WWOX: variants seen among roughly 807,000 people sequenced by gnomAD.
WWOX encodes the protein WW domain-containing oxidoreductase.
In WWOX, 69 loss-of-function variants were observed where a neutral mutation model predicts 46.2. That is an observed-to-expected ratio of 1.49 (90% CI 1.23 to 1.82). WWOX has a LOEUF of 1.82. Among genes scored for constraint, WWOX ranks in the 40% most tolerant of loss-of-function variants. The pLI, the probability that WWOX is intolerant of heterozygous loss-of-function variation, is 0.00. For missense variants in WWOX, 919 were observed against 542.6 expected (o/e 1.69, Z -6.89); for synonymous variants, 359 against 202.6 (o/e 1.77, Z -6.56).
chr16:78,289,512 T>C lies in WWOX; in HGVS notation c.517-97348T>C, dbSNP rs76446713. Among the ~76,000 whole-genome samples the C allele has an allele frequency of 3.9e-3, 599 of 152,274 alleles. 7 individuals are homozygous for C. Among genetic ancestry groups the C allele is most frequent in the African/African-American group, 0.013 (528 of 41,566 alleles). Reference sequence around the variant, plus strand: ...TACAGTGACTTGGTCTGAGAAACCCTGTAACTTGGATCCAGCCAGGGAAGT... The same window carrying C: ...TACAGTGACTTGGTCTGAGAAACCCCGTAACTTGGATCCAGCCAGGGAAGT... On this transcript the variant is annotated intron_variant, in intron 5 of 8. Coordinates refer to ENST00000566780, the MANE Select transcript of WWOX (RefSeq NM_016373.4).
At chr16:78,598,831 C>T (rs1035336344) in intron 8 of WWOX, among the ~76,000 whole-genome samples, 2 of 152,118 alleles carry the variant, frequency 1.3e-5, no homozygotes, top group African/African-American at 4.8e-5. Context: ...TCTTCATTGT[C>T]CCCTTCATAC....
intron 8 of WWOX, among the ~76,000 whole-genome samples, chr16:78,945,159 G>T (rs981554630): frequency 6.6e-6 from 1 of 152,160 alleles, no homozygotes; most frequent in African/African-American, 2.4e-5. Flanking sequence ...CACCCTGGGT[G>T]ACAGAGTGAC....
intron 8 of WWOX, among the ~76,000 whole-genome samples, chr16:79,191,688 A>T (rs2051139938): frequency 1.3e-5 from 2 of 152,208 alleles, no homozygotes; most frequent in Admixed American, 6.5e-5. Flanking sequence ...ATAGGCCATG[A>T]TAAAGAATAA....
At chr16:78,664,283 C>T (rs1460979037) in intron 8 of WWOX, among the ~76,000 whole-genome samples, 1 of 152,202 alleles carries the variant, frequency 6.6e-6, no homozygotes, top group Non-Finnish European at 1.5e-5. Flanking sequence ...AAGCCCCTAA[C>T]TCTTCATGTA....
At chr16:78,380,727 G>A (rs949188309) in intron 5 of WWOX, among the ~76,000 whole-genome samples, 5 of 152,100 alleles carry the variant, frequency 3.3e-5, no homozygotes, top group African/African-American at 1.2e-4. Flanking sequence ...GATAGGGCAG[G>A]TGCTGTTATT....
At chr16:78,932,348 G>T (rs2045641595) in intron 8 of WWOX, among the ~76,000 whole-genome samples, 2 of 152,180 alleles carry the variant, frequency 1.3e-5, no homozygotes, top group Admixed American at 1.3e-4. Context: ...AATTCCAGGT[G>T]CCCCTCAGGC....
intron 8 of WWOX, among the ~76,000 whole-genome samples, chr16:78,458,169 A>C (rs2083868479): frequency 6.6e-6 from 1 of 150,908 alleles, no homozygotes; most frequent in Non-Finnish European, 1.5e-5. Context: ...GTGTTCCATG[A>C]TTTTGTCGAA....
intron 8 of WWOX, among the ~76,000 whole-genome samples, chr16:78,748,577 A>C (rs769629003): frequency 6.6e-6 from 1 of 152,136 alleles, no homozygotes. Flanking sequence ...TCTGATTACA[A>C]TACGTCCGTG....
At chr16:78,368,640 C>A (rs568704899) in intron 5 of WWOX, among the ~76,000 whole-genome samples, 1 of 152,194 alleles carries the variant, frequency 6.6e-6, no homozygotes, top group East Asian at 1.9e-4. Flanking sequence ...ACATGCATGC[C>A]ATCGTGAAGT....
intron 8 of WWOX, among the ~76,000 whole-genome samples, chr16:78,634,156 T>G (rs1006695372): frequency 3.3e-5 from 5 of 152,098 alleles, no homozygotes; most frequent in African/African-American, 1.2e-4. Context: ...GAATAAAAAT[T>G]TTTAGCATTA....
intron 8 of WWOX, among the ~76,000 whole-genome samples, chr16:78,783,544 G>C (rs921566860): frequency 5.3e-5 from 8 of 152,252 alleles, no homozygotes; most frequent in African/African-American, 1.9e-4. Flanking sequence ...GAATGGGCCT[G>C]TAAGAGGTTG....
At chr16:78,431,245 T>C (rs2083210357) in intron 7 of WWOX, among the ~76,000 whole-genome samples, 2 of 152,238 alleles carry the variant, frequency 1.3e-5, no homozygotes, top group Non-Finnish European at 2.9e-5. Flanking sequence ...ATCCATGCCA[T>C]GGGTATACTT....
At chr16:78,849,501 G>C (rs890446271) in intron 8 of WWOX, among the ~76,000 whole-genome samples, 1 of 150,292 alleles carries the variant, frequency 6.7e-6, no homozygotes, top group Non-Finnish European at 1.5e-5. Flanking sequence ...GTGAACCCGG[G>C]AGGCGGAGCT....
intron 8 of WWOX, among the ~76,000 whole-genome samples, chr16:78,439,086 A>G (rs892774734): frequency 6.6e-6 from 1 of 152,200 alleles, no homozygotes; most frequent in Non-Finnish European, 1.5e-5. Context: ...TATAGATACT[A>G]TCAAGGGCAA....
intron 5 of WWOX, among the ~76,000 whole-genome samples, chr16:78,335,876 G>C (rs560192651): frequency 6.6e-6 from 1 of 152,274 alleles, no homozygotes; most frequent in African/African-American, 2.4e-5. Context: ...TGGATCGCTT[G>C]AGGCCAGGAG....
rs145874753 is a variant in WWOX, at chr16:78,317,650, T to G, written c.517-69210T>G. 4.9e-3 allele frequency among the ~76,000 whole-genome samples: 747 copies of G among 152,310 alleles called. 6 individuals carry two copies. The highest frequency in any genetic ancestry group is 0.025 in the South Asian group (121 of 4,824). ...AAAAATCTGGTGTTTTTTCGAAGTC[T>G]GCCTCGTTTAGGCTCTGGACTCCTG... On this transcript the variant is annotated intron_variant, in intron 5 of 8. Coordinates refer to ENST00000566780, the MANE Select transcript of WWOX (RefSeq NM_016373.4).
chr16:78,798,745 G>A (rs1276685525), intron 8 of WWOX, among the ~76,000 whole-genome samples: 2 of 152,106 alleles, frequency 1.3e-5, no homozygotes, highest in Admixed American at 6.5e-5. Context: ...GATAAATGAT[G>A]TTGTGTGTAA....
chr16:78,898,243 A>T (rs551757884), intron 8 of WWOX: 6 of 151,998 alleles, frequency 3.9e-5, no homozygotes, highest in Non-Finnish European at 8.8e-5. Flanking sequence ...ATATTTTCCT[A>T]TGTTTTCTTC....
intron 8 of WWOX, among the ~76,000 whole-genome samples, chr16:78,478,455 A>T (rs2084406169): frequency 6.6e-6 from 1 of 152,180 alleles, no homozygotes; most frequent in South Asian, 2.1e-4. Context: ...GGAAAGAAAA[A>T]GCGATGATAA....
Sources: allele counts gnomAD v4.1 joint callset (sites outside exome capture counted in the v4.1 genomes callset), GRCh38; gene constraint gnomAD v4.1.1; transcripts MANE v1.5; gene names NCBI Gene and HGNC (gene_info 2026-07-23, HGNC 2026-07-21).